ZFP62: variants seen among roughly 807,000 people sequenced by gnomAD.
The protein encoded by ZFP62 is ZFP62 zinc finger protein, also known as zinc finger protein 62 homolog.
Under a neutral mutation model 56.4 loss-of-function variants are expected in ZFP62, and 44 were observed. That is an observed-to-expected ratio of 0.78 (90% CI 0.61 to 1.00). The LOEUF is 1.00. Among genes scored for constraint, ZFP62 ranks in the 50% least tolerant of loss-of-function variants. The probability of loss-of-function intolerance (pLI) is 0.00; values close to 1 mark genes in which losing one functional copy is unlikely to be tolerated. For missense variants in ZFP62, 1,030 were observed against 1,085.7 expected (o/e 0.95, Z 0.72); for synonymous variants, 421 against 388.9 (o/e 1.08, Z -0.97).
chr5:180,837,217 A>G, the ZFP62 span, among the ~76,000 whole-genome samples: 1 of 152,238 alleles, frequency 6.6e-6, no homozygotes, highest in African/African-American at 2.4e-5. Context: ...CGTGTGGCCC[A>G]TCTCTGAAGA....
chr5:180,829,642 G>C, the ZFP62 span, among the ~76,000 whole-genome samples: 1 of 152,186 alleles, frequency 6.6e-6, no homozygotes, highest in Non-Finnish European at 1.5e-5. Context: ...ATTTTTATCT[G>C]AAAAATAAGT....
At chr5:180,834,191 A>C in the ZFP62 span, 2 of 152,178 alleles carry the variant, frequency 1.3e-5, no homozygotes, top group Non-Finnish European at 2.9e-5. Flanking sequence ...AGAATACCCG[A>C]GACTGGGTAA....
intron 1 of ZFP62, among the ~76,000 whole-genome samples, chr5:180,855,328 C>T (rs1003047484): frequency 1.3e-5 from 2 of 152,210 alleles, no homozygotes; most frequent in Non-Finnish European, 2.9e-5. Flanking sequence ...ACCTTCCCCT[C>T]CAGGTACTGC....
chr5:180,836,228 C>A, the ZFP62 span, among the ~76,000 whole-genome samples: 1 of 151,872 alleles, frequency 6.6e-6, no homozygotes, highest in African/African-American at 2.4e-5. Context: ...CATGACTATT[C>A]ATTCTACAAA....
intron 1 of ZFP62, among the ~76,000 whole-genome samples, chr5:180,856,225 C>T (rs1773964125): frequency 6.6e-6 from 1 of 152,202 alleles, no homozygotes; most frequent in African/African-American, 2.4e-5. Flanking sequence ...GATGTCCCGT[C>T]ACCTGATGTA....
chr5:180,831,612 C>G, the ZFP62 span: 1 of 152,626 alleles, frequency 6.6e-6, no homozygotes, highest in Non-Finnish European at 1.5e-5. Flanking sequence ...CAGCAGGGGG[C>G]GGGGACGCCG....
At chr5:180,834,483 T>C in the ZFP62 span, 1 of 152,282 alleles carries the variant, frequency 6.6e-6, no homozygotes, top group Non-Finnish European at 1.5e-5. Context: ...ACACAAGAGC[T>C]TGCTCTCTGC....
At chr5:180,851,556 G>T (rs898933419) in intron 1 of ZFP62, 63 bp from the exon 2 acceptor site, 5 of 1,431,874 alleles carry the variant, frequency 3.5e-6, no homozygotes, top group Non-Finnish European at 4.6e-6. Context: ...AAACAAACTG[G>T]AATAACAATG....
the ZFP62 span, among the ~76,000 whole-genome samples, chr5:180,838,994 T>G: frequency 5.3e-5 from 8 of 152,318 alleles, 1 homozygote; most frequent in African/African-American, 1.9e-4. Context: ...TAACAAAAAC[T>G]GGAAACCACC....
chr5:180,849,561 T>C lies in ZFP62; in HGVS notation c.1934A>G (p.Tyr645Cys), dbSNP rs1773565862. 6.4e-7 allele frequency: 1 copy of C among 1,552,236 alleles called. No homozygotes were observed. The highest frequency in any genetic ancestry group is 1.2e-5 in the South Asian group (1 of 84,056). Residue 645 changes from tyrosine to cysteine, a missense_variant, in exon 2 of 2, where the codon TAT becomes TGT. Transcript: ENST00000502412. ...HRRVHTREKP[Y>C]ECDRCEKVFR... Reference sequence around the variant, plus strand: ...GACCTTCTCACACCTGTCACATTCATAGGGTTTCTCTCTAGTGTGGACCCT... The same window carrying C: ...GACCTTCTCACACCTGTCACATTCACAGGGTTTCTCTCTAGTGTGGACCCT...
the ZFP62 span, among the ~76,000 whole-genome samples, chr5:180,827,575 C>T: frequency 2.0e-5 from 3 of 152,202 alleles, no homozygotes; most frequent in African/African-American, 7.2e-5. Context: ...GCCGCAGGGA[C>T]CTCTGCTGAG....
chr5:180,827,726 T>G, the ZFP62 span, among the ~76,000 whole-genome samples: 2 of 152,142 alleles, frequency 1.3e-5, no homozygotes, highest in Non-Finnish European at 2.9e-5. Context: ...GAGGAAGGCA[T>G]GCCTCTTGCA....
At chr5:180,840,433 A>C in the ZFP62 span, among the ~76,000 whole-genome samples, 2 of 152,116 alleles carry the variant, frequency 1.3e-5, no homozygotes, top group African/African-American at 4.8e-5. Flanking sequence ...AGAGATGAGA[A>C]TCAAACTGGG....
Position 180,849,325 on chromosome 5 carries a change from G to A in ZFP62, c.2170C>T (p.Leu724Phe), listed in dbSNP as rs760243697. 15 of 1,552,046 alleles carry A rather than the reference G, an allele frequency of 9.7e-6. No homozygotes were observed. Among genetic ancestry groups the A allele is most frequent in the Admixed American group, 2.0e-5 (1 of 50,988 alleles). The change falls in exon 2 of 2, where the codon CTT becomes TTT. Residue 724 changes from leucine to phenylalanine, a missense_variant. Coordinates refer to ENST00000502412, the MANE Select transcript of ZFP62 (RefSeq NM_001172638.2). ...ACACACTTGAAGGGTTTCTCCCCAA[G>A]ATGGACTCTTTTATGGCTTATAAGA... ...RTLISHKRVH[L>F]GEKPFKCVEC... is the part of the protein sequence containing the mutation.
At chr5:180,827,648 A>G in the ZFP62 span, among the ~76,000 whole-genome samples, 2 of 152,224 alleles carry the variant, frequency 1.3e-5, no homozygotes, top group African/African-American at 4.8e-5. Context: ...CCTCATGGGA[A>G]GGGAAAGACC....
the ZFP62 span, among the ~76,000 whole-genome samples, chr5:180,836,380 C>T: frequency 6.6e-6 from 1 of 152,162 alleles, no homozygotes; most frequent in Non-Finnish European, 1.5e-5. Context: ...CCGGTGGCTC[C>T]CAGCAATCCC....
the ZFP62 span, among the ~76,000 whole-genome samples, chr5:180,836,357 C>T: frequency 6.6e-6 from 1 of 152,306 alleles, no homozygotes; most frequent in South Asian, 2.1e-4. Flanking sequence ...TCTTTTCTTG[C>T]CTCTTTCAGC....
the ZFP62 span, among the ~76,000 whole-genome samples, chr5:180,837,988 T>A: frequency 6.6e-6 from 1 of 152,320 alleles, no homozygotes; most frequent in South Asian, 2.1e-4. Flanking sequence ...ATGCACTTGA[T>A]GTAAAGTTGT....
chr5:180,848,766 C>A lies in ZFP62; in HGVS notation c.*26G>T. 4 of 1,479,636 alleles carry A rather than the reference C, an allele frequency of 2.7e-6. No homozygotes were observed. Among genetic ancestry groups the A allele is most frequent in the South Asian group, 2.8e-5 (2 of 72,358 alleles). The allele number at this position is 1,479,636 out of a possible 1,614,324, so 91.7% of individuals were successfully genotyped here. A position where few individuals can be genotyped will look rare whatever the true frequency, so the allele number is the denominator to read the frequency against. ...ATAAGGTATTTCTTCCATTTGAGTT[C>A]GGAGAGACTTGGTAAGCTCTGCCTG... On this transcript the variant is annotated 3_prime_UTR_variant, in exon 2 of 2. Transcript: ENST00000502412.
Sources: allele counts gnomAD v4.1 joint callset (sites outside exome capture counted in the v4.1 genomes callset), GRCh38; gene constraint gnomAD v4.1.1; transcripts MANE v1.5; gene names NCBI Gene and HGNC (gene_info 2026-07-23, HGNC 2026-07-21).